Variants in TBCK observed in about 807,000 individuals in gnomAD.
TBCK encodes the protein TBC1 domain containing kinase.
TBCK carries 99 observed loss-of-function variants against 113.4 expected under a neutral mutation model. The observed-to-expected ratio is 0.87, with a 90% CI of 0.74 to 1.03. The LOEUF is 1.03. Ranked by LOEUF, TBCK falls within the 50% of genes least tolerant of loss-of-function variation. The pLI is 0.00. For synonymous variants in TBCK, 369 were observed against 370.8 expected (o/e 1.00, Z 0.05); for missense variants, 1,045 against 1,061.3 (o/e 0.98, Z 0.21).
At chr4:106,108,002 C>A (rs1344033823) in intron 24 of TBCK, among the ~76,000 whole-genome samples, 1 of 151,974 alleles carries the variant, frequency 6.6e-6, no homozygotes, top group Non-Finnish European at 1.5e-5. Context: ...AATAGAAAAC[C>A]TAGAAGAGAT....
chr4:106,297,865 GAT>G (rs1253788753), intron 2 of TBCK: 3 of 152,170 alleles, frequency 2.0e-5, no homozygotes, highest in Non-Finnish European at 4.4e-5. Context: ...TTTTCTGTAA[GAT>G]GAAGAGAAGA....
chr4:106,145,280 T>C (rs1224779093), intron 23 of TBCK, among the ~76,000 whole-genome samples: 1 of 152,160 alleles, frequency 6.6e-6, no homozygotes, highest in Non-Finnish European at 1.5e-5. Flanking sequence ...ATCACACCAC[T>C]GCACTCCAGC....
intron 22 of TBCK, among the ~76,000 whole-genome samples, chr4:106,178,886 T>G (rs1253567871): frequency 6.6e-6 from 1 of 151,942 alleles, no homozygotes; most frequent in Non-Finnish European, 1.5e-5. Context: ...GATGGGAGAC[T>G]TTTTTATTAC....
At chr4:106,090,716 A>G (rs1196516371) in intron 25 of TBCK, among the ~76,000 whole-genome samples, 3 of 152,020 alleles carry the variant, frequency 2.0e-5, no homozygotes, top group Non-Finnish European at 2.9e-5. Context: ...TGTCATCATA[A>G]TTAAGTTTAA....
chr4:106,309,767 G>C (rs1033734740), intron 1 of TBCK, among the ~76,000 whole-genome samples: 4 of 152,058 alleles, frequency 2.6e-5, no homozygotes, highest in Non-Finnish European at 5.9e-5. Flanking sequence ...TTAAAAGAAG[G>C]CTCTATAATA....
rs184112037 is a variant in TBCK, at chr4:106,250,409, G to C, written c.658+9C>G. 7.1e-5 allele frequency: 109 copies of C among 1,535,928 alleles called. 1 individual carries two copies. In the African/African-American group the frequency reaches 1.3e-3, roughly 18 times the overall value. ...ATATTTGAAAGATAAGCAATTGTACGACACTTACCCAAAGTAAGCAAAAAT... is the reference window on the plus strand; with the variant it reads ...ATATTTGAAAGATAAGCAATTGTACCACACTTACCCAAAGTAAGCAAAAAT... On this transcript the variant is annotated intron_variant, in intron 7 of 25. Coordinates refer to ENST00000394708, the MANE Select transcript of TBCK (RefSeq NM_001163435.3).
At chr4:106,192,167 C>T (rs1264995425) in intron 22 of TBCK, among the ~76,000 whole-genome samples, 1 of 152,026 alleles carries the variant, frequency 6.6e-6, no homozygotes, top group African/African-American at 2.4e-5. Flanking sequence ...AGCAGAGTTG[C>T]CACTAATCTC....
At chr4:106,218,385 A>C (rs1201074455) in intron 19 of TBCK, among the ~76,000 whole-genome samples, 3 of 148,774 alleles carry the variant, frequency 2.0e-5, no homozygotes, top group African/African-American at 4.9e-5. Flanking sequence ...TAATTAAACT[A>C]AAGAGCTTCT....
At chr4:106,288,672 T>C (rs1381806339) in intron 3 of TBCK, among the ~76,000 whole-genome samples, 2 of 152,192 alleles carry the variant, frequency 1.3e-5, no homozygotes, top group Non-Finnish European at 2.9e-5. Flanking sequence ...CTCAGCGTAA[T>C]ATTTATAAGG....
intron 23 of TBCK, among the ~76,000 whole-genome samples, chr4:106,126,679 A>G (rs1207990535): frequency 1.3e-5 from 2 of 152,202 alleles, no homozygotes. Context: ...ATATGATTAA[A>G]TGATTCTGCA....
chr4:106,311,200 TACACACACACACACACACACAC>T (rs36011277), intron 1 of TBCK, among the ~76,000 whole-genome samples: 90 of 138,288 alleles, frequency 6.5e-4, no homozygotes, highest in African/African-American at 2.4e-3. Context: ...CAGAAACTCC[TACACACACACACACACACACAC>T]ACACACACAC....
Position 106,130,589 on chromosome 4 carries a change from TACACACAC to T in TBCK, c.2236-14219_2236-14212del, listed in dbSNP as rs70941237. Among the ~76,000 whole-genome samples, 385 of 142,498 alleles carry T rather than the reference TACACACAC, an allele frequency of 2.7e-3. 3 individuals carry two copies. Among genetic ancestry groups the T allele is most frequent in the African/African-American group, 8.9e-3 (341 of 38,170 alleles). 93.5% of individuals were successfully genotyped at this position (142,498 alleles called of 152,430 possible). Reference sequence around the variant, plus strand: ...AATTATGGACCACTTTTGCGCTAAATACACACACACACACACACACACACACACACACA... The same window carrying T: ...AATTATGGACCACTTTTGCGCTAAATACACACACACACACACACACACACA... On this transcript the variant is annotated intron_variant, in intron 23 of 25. Transcript: ENST00000394708.
chr4:106,198,497 C>T (rs1251486841), intron 20 of TBCK, among the ~76,000 whole-genome samples: 1 of 152,038 alleles, frequency 6.6e-6, no homozygotes, highest in Admixed American at 6.6e-5. Flanking sequence ...TTTGAATGCT[C>T]CTTCCTGATC....
Position 106,244,650 on chromosome 4 carries a change from T to C in TBCK, c.1046A>G (p.Lys349Arg). ...CTTGGGGAGTGTGCAGATAGGTGGT[T>C]TGGATCGAATGATTTCCTTGTTGAC... is the stretch of plus-strand genomic sequence containing the variant. ...ELVNKEIIRS[K>R]PPICTLPNFL... Residue 349 changes from lysine (K) to arginine (R), a missense_variant, in exon 11 of 26, where the codon AAA (lysine) becomes AGA (arginine). Coordinates refer to ENST00000394708, the MANE Select transcript of TBCK (RefSeq NM_001163435.3). 6.2e-7 allele frequency: 1 copy of C among 1,610,934 alleles called. No individual in the cohort carries two copies. The highest frequency in any genetic ancestry group is 1.1e-5 in the South Asian group (1 of 90,406).
At chr4:106,089,033 T>C (rs1444298451) in intron 25 of TBCK, among the ~76,000 whole-genome samples, 1 of 70,558 alleles carries the variant, frequency 1.4e-5, no homozygotes, top group Non-Finnish European at 2.6e-5. Flanking sequence ...TCTGTACATG[T>C]ATCCTTTTTT....
At chr4:106,249,590 GACTA>G (rs1761207646) in intron 7 of TBCK, among the ~76,000 whole-genome samples, 2 of 152,042 alleles carry the variant, frequency 1.3e-5, no homozygotes, top group African/African-American at 2.4e-5. Flanking sequence ...ATGATTACAA[GACTA>G]ACTTATTTTT....
chr4:106,238,062 A>G (rs2150016486), intron 12 of TBCK, among the ~76,000 whole-genome samples: 1 of 152,210 alleles, frequency 6.6e-6, no homozygotes, highest in South Asian at 2.1e-4. Flanking sequence ...TTTCACAAGT[A>G]GAACTGTAAA....
chr4:106,130,402 T>C (rs997482245), intron 23 of TBCK, among the ~76,000 whole-genome samples: 4 of 152,030 alleles, frequency 2.6e-5, no homozygotes, highest in Admixed American at 6.6e-5. Flanking sequence ...TAAAAGAGGA[T>C]AGAACAAATA....
At chr4:106,273,845 G>A (rs1269369359) in intron 3 of TBCK, among the ~76,000 whole-genome samples, 1 of 152,244 alleles carries the variant, frequency 6.6e-6, no homozygotes, top group Non-Finnish European at 1.5e-5. Flanking sequence ...AGAGCTGAGA[G>A]AGAATAAACG....
Sources: allele counts gnomAD v4.1 joint callset (sites outside exome capture counted in the v4.1 genomes callset), GRCh38; gene constraint gnomAD v4.1.1; transcripts MANE v1.5; gene names NCBI Gene and HGNC (gene_info 2026-07-23, HGNC 2026-07-21).